Variants in PPP1R37 observed in about 807,000 individuals in gnomAD.
PPP1R37 encodes the protein leucine rich repeat containing 68.
In PPP1R37, 21 loss-of-function variants were observed where a neutral mutation model predicts 61.0. The observed-to-expected ratio is 0.34, with a 90% CI of 0.24 to 0.50. The LOEUF is 0.50. Ranked by LOEUF, PPP1R37 falls within the 20% of genes least tolerant of loss-of-function variation. The pLI is 0.98. For missense variants in PPP1R37, 910 were observed against 952.7 expected (o/e 0.96, Z 0.59); for synonymous variants, 443 against 433.5 (o/e 1.02, Z -0.27).
chr19:45,124,988 TGTTTACC>T (rs976916055), intron 1 of PPP1R37, among the ~76,000 whole-genome samples: 4 of 151,894 alleles, frequency 2.6e-5, no homozygotes, highest in African/African-American at 9.7e-5. Flanking sequence ...TTTTGGGAAA[TGTTTACC>T]AGATGAGAGG....
At position 45,130,828 on chromosome 19, in the gene PPP1R37, A is replaced by G. The variant is rs1196390488; in HGVS notation, c.203-7686A>G. Among the ~76,000 whole-genome samples the G allele has an allele frequency of 2.0e-5, 3 of 152,054 alleles. No homozygotes were observed. The highest frequency in any genetic ancestry group is 3.2e-3 in the Middle Eastern group (1 of 316). Reference sequence around the variant, plus strand: ...AAGGTCATTTCCAGCCAGAGGTAGCATGGTTGTTACGGAGCAGCCCTAAAT... The same window carrying G: ...AAGGTCATTTCCAGCCAGAGGTAGCGTGGTTGTTACGGAGCAGCCCTAAAT... On this transcript the variant is annotated intron_variant, in intron 1 of 12. Transcript: ENST00000221462. The surrounding 1 kb of genome is among the most constrained non-coding windows in gnomAD (Gnocchi z 4.4).
At chr19:45,142,261 G>A (rs909100195) in intron 6 of PPP1R37, 42 bp from the exon 7 acceptor site, 8 of 1,534,126 alleles carry the variant, frequency 5.2e-6, no homozygotes, top group Non-Finnish European at 7.0e-6. Context: ...CTGTTGGGGG[G>A]CAGGGGCCTG....
chr19:45,097,845 C>T (rs1374842075), intron 1 of PPP1R37, among the ~76,000 whole-genome samples: 3 of 152,108 alleles, frequency 2.0e-5, no homozygotes, highest in South Asian at 4.2e-4. Flanking sequence ...TGAATGAGCG[C>T]CTGTGGGCCC....
At chr19:45,138,905 CTTT>C (rs34081163) in intron 2 of PPP1R37, among the ~76,000 whole-genome samples, 5 of 73,052 alleles carry the variant, frequency 6.8e-5, no homozygotes, top group East Asian at 4.5e-4. Flanking sequence ...TTTATGTATT[CTTT>C]TTTTTTTTTT....
intron 1 of PPP1R37, among the ~76,000 whole-genome samples, chr19:45,107,564 A>G (rs911482392): frequency 1.3e-5 from 2 of 152,200 alleles, no homozygotes; most frequent in Non-Finnish European, 1.5e-5. Context: ...TGGTCTTGCC[A>G]TTGGACTCCA....
At chr19:45,133,877 A>G (rs1968507061) in intron 1 of PPP1R37, among the ~76,000 whole-genome samples, 1 of 152,216 alleles carries the variant, frequency 6.6e-6, no homozygotes, top group South Asian at 2.1e-4. Flanking sequence ...TGGTGGACCC[A>G]TCACCTCCCC....
intron 1 of PPP1R37, among the ~76,000 whole-genome samples, chr19:45,109,505 T>C (rs2122717484): frequency 6.6e-6 from 1 of 152,276 alleles, no homozygotes; most frequent in African/African-American, 2.4e-5. Context: ...TCCAGCCCCA[T>C]TTGCTGAGCA....
chr19:45,116,426 G>T (rs903715545), intron 1 of PPP1R37, among the ~76,000 whole-genome samples: 1 of 152,234 alleles, frequency 6.6e-6, no homozygotes, highest in Non-Finnish European at 1.5e-5. Context: ...TGCAGCATGT[G>T]GCCACGGTAC....
chr19:45,114,654 G>A (rs188229891), intron 1 of PPP1R37, among the ~76,000 whole-genome samples: 143 of 152,246 alleles, frequency 9.4e-4, no homozygotes, highest in African/African-American at 3.3e-3. Flanking sequence ...TGTTTAGAAG[G>A]TGCATTCACA....
rs1290520728 is a variant in PPP1R37, at chr19:45,121,958, G to A, written c.203-16556G>A. ...TGGTCTCCACGTGGGCAGTGTAGAC[G>A]TGTGGTTTTGCAGGGATAGAGACGT... On this transcript the variant is annotated intron_variant, in intron 1 of 12. Coordinates refer to ENST00000221462, the MANE Select transcript of PPP1R37 (RefSeq NM_019121.2). This position sits in a 1 kb window ranked among gnomAD's most constrained non-coding sequence, Gnocchi z 4.2. Among the ~76,000 whole-genome samples, 3 of 152,140 alleles carry A rather than the reference G, an allele frequency of 2.0e-5. No homozygotes were observed. Among genetic ancestry groups the A allele is most frequent in the Non-Finnish European group, 4.4e-5 (3 of 68,030 alleles).
intron 11 of PPP1R37, 148 bp from the exon 12 acceptor site, chr19:45,146,242 G>C (rs1329404923): frequency 1.6e-5 from 14 of 888,146 alleles, no homozygotes; most frequent in South Asian, 1.4e-4. Context: ...GGGTGGGGGG[G>C]CATGTAAGGT....
intron 1 of PPP1R37, among the ~76,000 whole-genome samples, chr19:45,137,208 C>T (rs1446417759): frequency 6.6e-6 from 1 of 152,228 alleles, no homozygotes; most frequent in African/African-American, 2.4e-5. Flanking sequence ...CGCTGGTCAC[C>T]CTGAGGTAAA....
chr19:45,096,722 G>A (rs929084518), intron 1 of PPP1R37, among the ~76,000 whole-genome samples: 1 of 152,072 alleles, frequency 6.6e-6, no homozygotes, highest in Non-Finnish European at 1.5e-5. Flanking sequence ...CTCCAGGCTG[G>A]GGGAGTCTCT....
chr19:45,099,961 G>C (rs1015145397), intron 1 of PPP1R37: 1 of 152,252 alleles, frequency 6.6e-6, no homozygotes, highest in Non-Finnish European at 1.5e-5. Flanking sequence ...CCTTCAGTGC[G>C]TCAGCGGGAG....
intron 1 of PPP1R37, among the ~76,000 whole-genome samples, chr19:45,119,965 G>C (rs530989582): frequency 5.9e-4 from 89 of 149,622 alleles, no homozygotes; most frequent in Non-Finnish European, 1.3e-3. Flanking sequence ...CTCCATCTCT[G>C]TGTTCATTTG....
chr19:45,144,687 C>A (rs1181689752), intron 8 of PPP1R37, 167 bp from the exon 9 acceptor site: 2 of 601,460 alleles, frequency 3.3e-6, no homozygotes, highest in Non-Finnish European at 5.6e-6. Context: ...GGAGGGACTT[C>A]AGGCCAGGCC....
intron 4 of PPP1R37, 44 bp from the exon 5 acceptor site, chr19:45,141,278 G>A: frequency 1.3e-6 from 2 of 1,508,870 alleles, no homozygotes; most frequent in Non-Finnish European, 1.8e-6. Flanking sequence ...TCTCCTCCAG[G>A]GCAGCCCAGA....
At chr19:45,103,226 GTAC>G (rs1968086234) in intron 1 of PPP1R37, among the ~76,000 whole-genome samples, 1 of 152,188 alleles carries the variant, frequency 6.6e-6, no homozygotes, top group Admixed American at 6.5e-5. Context: ...TAGGCAGCTG[GTAC>G]TGAGCGGTTG....
intron 1 of PPP1R37, among the ~76,000 whole-genome samples, chr19:45,110,476 T>C (rs1466219874): frequency 6.6e-6 from 1 of 152,158 alleles, no homozygotes. Flanking sequence ...CTCTTATGGG[T>C]CTTTTCTAAC....
Sources: gnomAD v4.1 joint callset for allele counts (sites outside exome capture counted in the v4.1 genomes callset) on GRCh38, gnomAD v4.1.1 for gene constraint, Gnocchi (gnomAD v3.1) non-coding constraint, MANE v1.5 for transcripts, NCBI Gene and HGNC (gene_info 2026-07-23, HGNC 2026-07-21) for gene names.